The following BICD1 variants were observed in gnomAD, a reference collection of about 807,000 sequenced individuals.
The protein encoded by BICD1 is BICD cargo adaptor 1.
BICD1 carries 35 observed loss-of-function variants against 92.5 expected under a neutral mutation model. That is an observed-to-expected ratio of 0.38 (90% CI 0.29 to 0.50). The LOEUF is 0.50. BICD1 is among the 20% of genes least tolerant of loss of function. BICD1 has a pLI of 0.93. For synonymous variants in BICD1, 429 were observed against 465.1 expected, an observed-to-expected ratio of 0.92 and a Z score of 1.00; for missense variants, 950 against 1,189.8, an observed-to-expected ratio of 0.80 and a Z score of 2.97.
intron 1 of BICD1, among the ~76,000 whole-genome samples, chr12:32,153,544 C>G (rs1438720091): frequency 1.3e-5 from 2 of 152,044 alleles, no homozygotes; most frequent in African/African-American, 4.8e-5. Context: ...ATCACTGGAG[C>G]TCACGAATTC....
intron 6 of BICD1, among the ~76,000 whole-genome samples, chr12:32,336,614 A>T (rs1938137087): frequency 6.6e-6 from 1 of 152,236 alleles, no homozygotes; most frequent in Non-Finnish European, 1.5e-5. Context: ...CTTTATAAAC[A>T]TTATTATTTT....
chr12:32,185,656 G>C (rs1409387861), intron 1 of BICD1, among the ~76,000 whole-genome samples: 1 of 152,208 alleles, frequency 6.6e-6, no homozygotes, highest in African/African-American at 2.4e-5. Flanking sequence ...ACCTGCAGTC[G>C]TGCAGGAGAG....
chr12:32,376,120 T>C (rs1327019915), intron 9 of BICD1, among the ~76,000 whole-genome samples: 2 of 145,400 alleles, frequency 1.4e-5, no homozygotes, highest in Non-Finnish European at 3.0e-5. Context: ...AGTCTCGCCC[T>C]GTTGCCAAAC....
At chr12:32,211,291 G>T (rs929961387) in intron 1 of BICD1, among the ~76,000 whole-genome samples, 1 of 152,148 alleles carries the variant, frequency 6.6e-6, no homozygotes, top group South Asian at 2.1e-4. Context: ...GAAGGGCCAA[G>T]TTCTTCATAA....
chr12:32,184,512 C>G (rs1035467698), intron 1 of BICD1, among the ~76,000 whole-genome samples: 1 of 152,160 alleles, frequency 6.6e-6, no homozygotes, highest in South Asian at 2.1e-4. Context: ...CTCTTGAACT[C>G]CTGACCTCGT....
At chr12:32,203,634 G>A (rs149967064) in intron 1 of BICD1, among the ~76,000 whole-genome samples, 4 of 152,306 alleles carry the variant, frequency 2.6e-5, no homozygotes, top group African/African-American at 7.2e-5. Flanking sequence ...GGTTGCAGGA[G>A]GGGAGCTAAG....
At chr12:32,150,414 T>C (rs1274657278) in intron 1 of BICD1, among the ~76,000 whole-genome samples, 3 of 152,216 alleles carry the variant, frequency 2.0e-5, no homozygotes, top group Non-Finnish European at 4.4e-5. Context: ...AAAATTTAGC[T>C]TGGGCTTTCT....
chr12:32,195,090 CAAAAAA>C (rs3043308), intron 1 of BICD1, among the ~76,000 whole-genome samples: 4 of 117,428 alleles, frequency 3.4e-5, no homozygotes, highest in African/African-American at 9.9e-5. Context: ...AGAGTGAGAC[CAAAAAA>C]AAAAAAAAAA....
intron 3 of BICD1, among the ~76,000 whole-genome samples, chr12:32,298,506 A>C (rs1242288410): frequency 6.8e-6 from 1 of 146,498 alleles, no homozygotes; most frequent in African/African-American, 2.5e-5. Flanking sequence ...CGGAGGTTGC[A>C]GTGAGCCGAG....
intron 3 of BICD1, among the ~76,000 whole-genome samples, chr12:32,299,018 T>C (rs1055682618): frequency 1.2e-4 from 18 of 152,204 alleles, no homozygotes; most frequent in African/African-American, 4.3e-4. Context: ...ATACAGTCAC[T>C]GGCTCAAAGA....
chr12:32,295,491 T>C (rs1358642856), intron 3 of BICD1, among the ~76,000 whole-genome samples: 1 of 152,072 alleles, frequency 6.6e-6, no homozygotes, highest in Non-Finnish European at 1.5e-5. Flanking sequence ...TCTGTAAACT[T>C]AGAAGCCAGC....
In BICD1 at chr12:32,259,246, A is replaced by G. The variant is rs150018182; in HGVS notation, c.427-34748A>G. 1.1e-3 allele frequency among the ~76,000 whole-genome samples: 160 copies of G among 152,340 alleles called. 1 individual carries two copies. The highest frequency in any genetic ancestry group is 4.2e-3 in the East Asian group (22 of 5,186). ...ATTAATAATGTCCACGATCATCTCT[A>G]TATCTAATTTGTATTATAACTATTC... On this transcript the variant is annotated intron_variant, in intron 2 of 9. Transcript: ENST00000652176.
intron 1 of BICD1, among the ~76,000 whole-genome samples, chr12:32,153,625 G>C (rs991140967): frequency 1.3e-5 from 2 of 152,036 alleles, no homozygotes; most frequent in African/African-American, 4.8e-5. Flanking sequence ...GCATGATGGC[G>C]TGCACCTGTA....
intron 1 of BICD1, among the ~76,000 whole-genome samples, chr12:32,151,551 T>C (rs1278971151): frequency 4.6e-5 from 7 of 152,242 alleles, no homozygotes; most frequent in Admixed American, 2.6e-4. Flanking sequence ...CATCGAAGGT[T>C]ATGTTCTCAG....
chr12:32,139,251 G>C (rs1942826002), intron 1 of BICD1, among the ~76,000 whole-genome samples: 1 of 152,058 alleles, frequency 6.6e-6, no homozygotes, highest in African/African-American at 2.4e-5. Context: ...TCAGTGCATC[G>C]TCCCTGTGTA....
intron 1 of BICD1, among the ~76,000 whole-genome samples, chr12:32,214,588 T>C (rs1445556871): frequency 1.3e-5 from 2 of 152,214 alleles, no homozygotes; most frequent in African/African-American, 4.8e-5. Flanking sequence ...TACAATATAT[T>C]TACTTATTTG....
chr12:32,112,665 G>T (rs992617095), intron 1 of BICD1, among the ~76,000 whole-genome samples: 3 of 152,106 alleles, frequency 2.0e-5, no homozygotes, highest in African/African-American at 4.8e-5. Flanking sequence ...AATTCATTAC[G>T]CTAAAGGAGA....
intron 6 of BICD1, among the ~76,000 whole-genome samples, chr12:32,336,219 A>G (rs1034645548): frequency 6.6e-6 from 1 of 152,190 alleles, no homozygotes; most frequent in South Asian, 2.1e-4. Context: ...TTAGCGGGTA[A>G]ATAAACTCAG....
At chr12:32,225,641 T>TTTTTTTTTG (rs1945664708) in intron 2 of BICD1, among the ~76,000 whole-genome samples, 6 of 134,216 alleles carry the variant, frequency 4.5e-5, no homozygotes, top group Non-Finnish European at 8.0e-5. Flanking sequence ...TTTTTTTTTT[T>TTTTTTTTTG]AGACGGAGTT....
Sources: gnomAD v4.1 joint callset for allele counts (sites outside exome capture counted in the v4.1 genomes callset) on GRCh38, gnomAD v4.1.1 for gene constraint, MANE v1.5 for transcripts, NCBI Gene and HGNC (gene_info 2026-07-23, HGNC 2026-07-21) for gene names.